Variants in ABHD17C observed in about 807,000 individuals in gnomAD.
The protein encoded by ABHD17C is abhydrolase domain containing 17C, depalmitoylase.
Under a neutral mutation model 27.9 loss-of-function variants are expected in ABHD17C, and 11 were observed. The ratio of observed to expected loss-of-function variants is 0.39; its 90% CI spans 0.25 to 0.65. The LOEUF (loss-of-function observed/expected upper bound fraction) is 0.65. Among genes scored for constraint, ABHD17C ranks in the 30% least tolerant of loss-of-function variants. The probability of loss-of-function intolerance (pLI) is 0.45; values close to 1 mark genes in which losing one functional copy is unlikely to be tolerated. For synonymous variants in ABHD17C, 233 were observed against 209.1 expected (o/e 1.11, Z -0.98); for missense variants, 280 against 470.2 (o/e 0.60, Z 3.74).
chr15:80,697,129 C>T (rs958665372), intron 1 of ABHD17C, among the ~76,000 whole-genome samples: 2 of 152,110 alleles, frequency 1.3e-5, no homozygotes, highest in African/African-American at 4.8e-5. Context: ...GCATATGTTC[C>T]TAAGTGACTC....
Position 80,754,173 on chromosome 15 carries a change from A to C in ABHD17C, c.793A>C (p.Thr265Pro), listed in dbSNP as rs1232141818. The C allele has an allele frequency of 6.2e-7, 1 of 1,613,464 alleles. No homozygotes were observed. The highest frequency in any genetic ancestry group is 1.3e-5 in the African/African-American group (1 of 74,770). ...FPSIDKISKV[T>P]SPVLVIHGTE... ...CAGCATTGACAAGATATCTAAAGTC[A>C]CCTCTCCTGTGTTGGTCATTCATGG... is the stretch of plus-strand genomic sequence containing the variant. The change falls in exon 3 of 3, where the codon ACC becomes CCC. Residue 265 changes from threonine (T) to proline (P), a missense_variant. Coordinates refer to ENST00000258884, the MANE Select transcript of ABHD17C (RefSeq NM_021214.2).
intron 1 of ABHD17C, among the ~76,000 whole-genome samples, chr15:80,716,565 G>A (rs1469505742): frequency 6.6e-6 from 1 of 152,040 alleles, no homozygotes; most frequent in Non-Finnish European, 1.5e-5. Flanking sequence ...GATCTCTAGT[G>A]TAAGATGCCA....
chr15:80,713,468 A>G (rs935682897), intron 1 of ABHD17C, among the ~76,000 whole-genome samples: 4 of 145,680 alleles, frequency 2.7e-5, no homozygotes, highest in Non-Finnish European at 5.9e-5. Flanking sequence ...GTGGTATGCC[A>G]TAAACAGAGC....
At chr15:80,737,445 A>G (rs1192264372) in intron 1 of ABHD17C, among the ~76,000 whole-genome samples, 1 of 152,202 alleles carries the variant, frequency 6.6e-6, no homozygotes, top group African/African-American at 2.4e-5. Context: ...TAATTTGTTC[A>G]AAAACAGCTT....
chr15:80,729,944 G>A lies in ABHD17C; in HGVS notation c.591-19569G>A, dbSNP rs937741189. ...CTGGGGGCCAACATGGTGAAACTCCGTCTCTACTAAAAAAATACACAAAAA... is the reference window on the plus strand; with the variant it reads ...CTGGGGGCCAACATGGTGAAACTCCATCTCTACTAAAAAAATACACAAAAA... On this transcript the variant is annotated intron_variant, in intron 1 of 2. Coordinates refer to ENST00000258884, the MANE Select transcript of ABHD17C (RefSeq NM_021214.2). Among the ~76,000 whole-genome samples the A allele has an allele frequency of 4.6e-5, 7 of 152,014 alleles. No individual in the cohort carries two copies. In the East Asian group the frequency reaches 7.7e-4, roughly 17 times the overall value.
intron 1 of ABHD17C, among the ~76,000 whole-genome samples, chr15:80,732,590 G>A (rs573553106): frequency 1.3e-5 from 2 of 152,260 alleles, no homozygotes; most frequent in South Asian, 4.1e-4. Flanking sequence ...GGGATAGAAG[G>A]TTTCTGGTTG....
chr15:80,697,614 A>C (rs971444949), intron 1 of ABHD17C, among the ~76,000 whole-genome samples: 7 of 147,688 alleles, frequency 4.7e-5, no homozygotes, highest in Non-Finnish European at 9.0e-5. Flanking sequence ...GAGTGTAGTT[A>C]TTTCCTGGAA....
At chr15:80,749,713 C>T in intron 2 of ABHD17C, 21 bp downstream of exon 2, 1 of 1,608,780 alleles carries the variant, frequency 6.2e-7, no homozygotes, top group Non-Finnish European at 8.5e-7. Context: ...GCTTGTCCAA[C>T]AAGTGGTAAG....
At chr15:80,750,017 G>A (rs1023424242) in intron 2 of ABHD17C, among the ~76,000 whole-genome samples, 4 of 152,112 alleles carry the variant, frequency 2.6e-5, no homozygotes, top group African/African-American at 4.8e-5. Flanking sequence ...TTCAGCACTC[G>A]CTCATTCATT....
At chr15:80,733,623 T>C (rs1331569159) in intron 1 of ABHD17C, among the ~76,000 whole-genome samples, 1 of 152,192 alleles carries the variant, frequency 6.6e-6, no homozygotes, top group Non-Finnish European at 1.5e-5. Flanking sequence ...AAGAACTTCC[T>C]GGCAAACATC....
intron 1 of ABHD17C, 89 bp from the exon 2 acceptor site, chr15:80,749,424 A>G (rs1895337667): frequency 7.3e-7 from 1 of 1,374,046 alleles, no homozygotes; most frequent in South Asian, 1.4e-5. Context: ...GGATGTGGGA[A>G]TTTTATGGGT....
At chr15:80,736,264 C>T (rs1351295405) in intron 1 of ABHD17C, among the ~76,000 whole-genome samples, 3 of 152,050 alleles carry the variant, frequency 2.0e-5, no homozygotes, top group East Asian at 3.8e-4. Flanking sequence ...AATCTACAAA[C>T]GTGTTTTTGT....
chr15:80,698,206 A>C (rs186040006), intron 1 of ABHD17C, among the ~76,000 whole-genome samples: 70 of 151,504 alleles, frequency 4.6e-4, no homozygotes, highest in Non-Finnish European at 9.9e-4. Context: ...CTGGGACTAC[A>C]GGCGCCCGCC....
chr15:80,721,284 A>G (rs999087155), intron 1 of ABHD17C, among the ~76,000 whole-genome samples: 1 of 150,106 alleles, frequency 6.7e-6, no homozygotes, highest in African/African-American at 2.5e-5. Flanking sequence ...ATATATTTTC[A>G]TAAATCCAAG....
At chr15:80,727,830 A>G (rs1308770696) in intron 1 of ABHD17C, among the ~76,000 whole-genome samples, 2 of 152,134 alleles carry the variant, frequency 1.3e-5, no homozygotes, top group Non-Finnish European at 1.5e-5. Flanking sequence ...TATTAGGGGA[A>G]GGGCTGGGGT....
intron 1 of ABHD17C, among the ~76,000 whole-genome samples, chr15:80,741,475 C>G (rs1017861007): frequency 1.3e-5 from 2 of 151,116 alleles, no homozygotes; most frequent in African/African-American, 4.8e-5. Context: ...AAAGGAAGCC[C>G]TGTACATGCA....
At chr15:80,696,101 T>C in intron 1 of ABHD17C, 82 bp downstream of exon 1, 1 of 1,389,446 alleles carries the variant, frequency 7.2e-7, no homozygotes, top group South Asian at 1.3e-5. Context: ...TGGGGCGGCC[T>C]GCCAGGAGAG....
intron 1 of ABHD17C, among the ~76,000 whole-genome samples, chr15:80,698,770 A>G (rs1004098171): frequency 2.0e-5 from 3 of 152,194 alleles, no homozygotes; most frequent in African/African-American, 7.2e-5. Context: ...AATGCCTTCC[A>G]TCCCATGTGT....
intron 1 of ABHD17C, among the ~76,000 whole-genome samples, chr15:80,728,472 A>AG (rs1895013381): frequency 6.6e-6 from 1 of 152,218 alleles, no homozygotes; most frequent in African/African-American, 2.4e-5. Flanking sequence ...TGACTAGCTG[A>AG]GAAGGACCAA....
Sources: allele counts gnomAD v4.1 joint callset (sites outside exome capture counted in the v4.1 genomes callset), GRCh38; gene constraint gnomAD v4.1.1; transcripts MANE v1.5; gene names NCBI Gene and HGNC (gene_info 2026-07-23, HGNC 2026-07-21).